Variants in MGAT4C observed in about 807,000 individuals in gnomAD.
MGAT4C encodes MGAT4 family member C.
MGAT4C carries 19 observed loss-of-function variants against 40.1 expected under a neutral mutation model. The observed-to-expected ratio is 0.47, with a 90% CI of 0.33 to 0.70. The LOEUF is 0.70. MGAT4C is among the 30% of genes least tolerant of loss of function. MGAT4C has a pLI of 0.02. For synonymous variants in MGAT4C, 181 were observed against 187.1 expected (o/e 0.97, Z 0.27); for missense variants, 491 against 563.2 (o/e 0.87, Z 1.30).
chr12:86,111,154 A>G (rs1877331773), intron 1 of MGAT4C, among the ~76,000 whole-genome samples: 1 of 151,814 alleles, frequency 6.6e-6, no homozygotes, highest in Admixed American at 6.6e-5. Flanking sequence ...CTATATATTT[A>G]AAGCAATGGT....
At chr12:86,154,782 C>T (rs572095490) in intron 1 of MGAT4C, among the ~76,000 whole-genome samples, 1 of 152,292 alleles carries the variant, frequency 6.6e-6, no homozygotes, top group South Asian at 2.1e-4. Context: ...TCTAGTACTT[C>T]ATCTGTATCA....
intron 1 of MGAT4C, among the ~76,000 whole-genome samples, chr12:86,136,929 G>A (rs540843288): frequency 7.2e-5 from 11 of 152,010 alleles, no homozygotes; most frequent in South Asian, 4.2e-4. Flanking sequence ...CTTGTGATCC[G>A]CCCACATCGG....
intron 4 of MGAT4C, among the ~76,000 whole-genome samples, chr12:86,278,077 A>C (rs1953121223): frequency 6.6e-6 from 1 of 151,898 alleles, no homozygotes; most frequent in Non-Finnish European, 1.5e-5. Context: ...TTATCAATAT[A>C]ATACAGTTTT....
Position 86,054,013 on chromosome 12 carries a change from C to T in MGAT4C, c.-56-4290G>A, listed in dbSNP as rs555997350. 5.3e-5 allele frequency among the ~76,000 whole-genome samples: 8 copies of T among 151,842 alleles called. No homozygotes were observed. The South Asian group carries it at 1.5e-3, about 28-fold the overall frequency. Reference sequence around the variant, plus strand: ...TGGTGGGGATGTAAATTAGTACAGCCGCTATGGAAAACAGTATGATAGTTT... The same window carrying T: ...TGGTGGGGATGTAAATTAGTACAGCTGCTATGGAAAACAGTATGATAGTTT... On this transcript the variant is annotated intron_variant, in intron 1 of 4. Transcript: ENST00000611864.
chr12:86,363,972 TCACA>T (rs58352727), intron 3 of MGAT4C, among the ~76,000 whole-genome samples: 18 of 148,716 alleles, frequency 1.2e-4, no homozygotes, highest in South Asian at 4.3e-4. Flanking sequence ...TCTCTCTCTC[TCACA>T]CACACACACA....
chr12:86,232,021 A>G (rs980735376), intron 1 of MGAT4C, among the ~76,000 whole-genome samples: 2 of 152,084 alleles, frequency 1.3e-5, no homozygotes, highest in African/African-American at 4.8e-5. Flanking sequence ...AAGCGCCTGG[A>G]ATCCCAGCTA....
chr12:86,530,942 A>G (rs1958971257), intron 2 of MGAT4C, among the ~76,000 whole-genome samples: 1 of 152,084 alleles, frequency 6.6e-6, no homozygotes, highest in Non-Finnish European at 1.5e-5. Context: ...GCCAAGTTCA[A>G]TGCATAATAC....
chr12:86,644,668 AT>A (rs1565901446), intron 2 of MGAT4C, among the ~76,000 whole-genome samples: 1 of 151,778 alleles, frequency 6.6e-6, no homozygotes, highest in Non-Finnish European at 1.5e-5. Flanking sequence ...AAGTCCATCA[AT>A]TGTAGACTGA....
chr12:86,293,191 G>T (rs1468655695), intron 4 of MGAT4C, among the ~76,000 whole-genome samples: 1 of 152,116 alleles, frequency 6.6e-6, no homozygotes, highest in Non-Finnish European at 1.5e-5. Context: ...ATTTCTTGCT[G>T]ATTTGAATGG....
chr12:85,972,728 T>C lies in MGAT4C; in HGVS notation c.*6561A>G, dbSNP rs1053265060. ...AATTATGATAAAGGATCTGAGATAA[T>C]TGGACAATTATGATAAAGGATCTGA... On this transcript the variant is annotated 3_prime_UTR_variant, in exon 5 of 5. Coordinates refer to ENST00000611864, the MANE Select transcript of MGAT4C (RefSeq NM_001351288.2). 1.3e-5 allele frequency: 2 copies of C among 150,984 alleles called. No homozygotes were observed. Among genetic ancestry groups the C allele is most frequent in the Admixed American group, 6.6e-5 (1 of 15,116 alleles). The allele number at this position is 150,984 out of a possible 1,614,324, so 9.4% of individuals were successfully genotyped here. A position where few individuals can be genotyped will look rare whatever the true frequency, so the allele number is the denominator to read the frequency against.
chr12:86,321,483 G>T (rs931158896), intron 4 of MGAT4C, among the ~76,000 whole-genome samples: 1 of 152,058 alleles, frequency 6.6e-6, no homozygotes, highest in Non-Finnish European at 1.5e-5. Flanking sequence ...TTGATAGTTT[G>T]GGATTTATTT....
At chr12:86,482,236 C>T (rs1957950347) in intron 2 of MGAT4C, among the ~76,000 whole-genome samples, 1 of 151,964 alleles carries the variant, frequency 6.6e-6, no homozygotes, top group African/African-American at 2.4e-5. Context: ...CAACACTACA[C>T]TATTTTTACA....
rs528367454 is a variant in MGAT4C, at chr12:86,113,693, CTT to C, written c.-56-63972_-56-63971del. On this transcript the variant is annotated intron_variant, in intron 1 of 4. Coordinates refer to ENST00000611864, the MANE Select transcript of MGAT4C (RefSeq NM_001351288.2). ...TGTATCCTTGTCTGTATTCAAGAAA[CTT>C]GGGTGAACAAGGGTAAAATCAACTG... 5.1e-3 allele frequency among the ~76,000 whole-genome samples: 780 copies of C among 151,826 alleles called. 3 individuals are homozygous for C. Among genetic ancestry groups the C allele is most frequent in the Middle Eastern group, 0.01 (3 of 294 alleles).
chr12:86,647,878 G>T (rs1277799830), intron 2 of MGAT4C, among the ~76,000 whole-genome samples: 1 of 151,784 alleles, frequency 6.6e-6, no homozygotes, highest in Non-Finnish European at 1.5e-5. Context: ...CCTGTACCAG[G>T]TTTAGGGCCT....
chr12:86,001,579 A>T (rs1887301848), intron 2 of MGAT4C: 1 of 937,084 alleles, frequency 1.1e-6, no homozygotes, highest in Non-Finnish European at 1.3e-6. Context: ...CCAAATGATA[A>T]GTCTGTTGAA....
At chr12:86,812,575 A>T (rs974579418) in intron 1 of MGAT4C, among the ~76,000 whole-genome samples, 1 of 151,924 alleles carries the variant, frequency 6.6e-6, no homozygotes. Context: ...GTTTTCTTGG[A>T]TTTTATGTCT....
intron 2 of MGAT4C, chr12:86,028,202 C>A (rs1176514021): frequency 8.6e-6 from 11 of 1,282,752 alleles, no homozygotes; most frequent in Non-Finnish European, 1.1e-5. Flanking sequence ...TCCAAGATTC[C>A]ATCTGCTGAT....
At chr12:86,814,874 C>G (rs571450268) in intron 1 of MGAT4C, among the ~76,000 whole-genome samples, 1 of 151,988 alleles carries the variant, frequency 6.6e-6, no homozygotes, top group African/African-American at 2.4e-5. Flanking sequence ...TTATTTTGAA[C>G]TTGATCTTGG....
At chr12:86,575,109 A>T (rs1960509814) in intron 2 of MGAT4C, among the ~76,000 whole-genome samples, 1 of 151,558 alleles carries the variant, frequency 6.6e-6, no homozygotes. Context: ...CTCTAGACTC[A>T]TCTCTTCTCA....
Sources: allele counts gnomAD v4.1 joint callset (sites outside exome capture counted in the v4.1 genomes callset), GRCh38; gene constraint gnomAD v4.1.1; transcripts MANE v1.5; gene names NCBI Gene and HGNC (gene_info 2026-07-23, HGNC 2026-07-21).